SHC2: variants seen among roughly 807,000 people sequenced by gnomAD.
The protein encoded by SHC2 is SHC adaptor protein 2.
SHC2 carries 62 observed loss-of-function variants against 60.6 expected under a neutral mutation model. That is an observed-to-expected ratio of 1.02 (90% CI 0.83 to 1.26). The LOEUF (loss-of-function observed/expected upper bound fraction) is 1.26. SHC2 is among the 50% of genes most tolerant of loss of function. The probability of loss-of-function intolerance (pLI) is 0.00; values close to 1 mark genes in which losing one functional copy is unlikely to be tolerated. For synonymous variants in SHC2, 375 were observed against 372.4 expected (o/e 1.01, Z -0.08); for missense variants, 873 against 822.2 (o/e 1.06, Z -0.76).
chr19:421,930 T>C (rs535992240), intron 11 of SHC2, among the ~76,000 whole-genome samples: 21 of 152,284 alleles, frequency 1.4e-4, no homozygotes, highest in African/African-American at 4.6e-4. Context: ...TGGAAAATAC[T>C]TTGTAATTCT....
intron 1 of SHC2, among the ~76,000 whole-genome samples, chr19:452,531 T>A (rs973854895): frequency 3.4e-5 from 5 of 144,970 alleles, no homozygotes; most frequent in African/African-American, 1.0e-4. Flanking sequence ...CGTTTCTCCG[T>A]TTCATTGAGG....
chr19:457,281 C>T (rs77314562), intron 1 of SHC2, among the ~76,000 whole-genome samples: 14,487 of 137,588 alleles, frequency 0.11, 1,437 homozygotes, highest in African/African-American at 0.25. Context: ...AACCCCACCA[C>T]ATCAGGCCTT....
chr19:430,288 A>G (rs1009747688), intron 9 of SHC2, among the ~76,000 whole-genome samples: 1 of 151,562 alleles, frequency 6.6e-6, no homozygotes, highest in Non-Finnish European at 1.5e-5. Flanking sequence ...CTATACCCCA[A>G]CGTGCACAGA....
chr19:427,338 G>C (rs570369312), intron 9 of SHC2, among the ~76,000 whole-genome samples: 1 of 152,364 alleles, frequency 6.6e-6, no homozygotes, highest in African/African-American at 2.4e-5. Context: ...TGACCCGGCA[G>C]TTCCCGGCTC....
Position 416,751 on chromosome 19 carries a change from C to T in SHC2, c.*577G>A, listed in dbSNP as rs1034950421. 10 of 152,346 alleles carry T rather than the reference C, an allele frequency of 6.6e-5. No homozygotes were observed. Among genetic ancestry groups the T allele is most frequent in the Admixed American group, 3.3e-4 (5 of 15,310 alleles). The allele number at this position is 152,346 out of a possible 1,614,324, so 9.4% of individuals were successfully genotyped here. A position where few individuals can be genotyped will look rare whatever the true frequency, so the allele number is the denominator to read the frequency against. On this transcript the variant is annotated 3_prime_UTR_variant, in exon 13 of 13. Coordinates refer to ENST00000264554, the MANE Select transcript of SHC2 (RefSeq NM_012435.3). Reference sequence around the variant, plus strand: ...TGGAGTAGGGGCCTCACGACTGCCTCGATATCCACTGTCTTGGAGCAGCCT... The same window carrying T: ...TGGAGTAGGGGCCTCACGACTGCCTTGATATCCACTGTCTTGGAGCAGCCT...
At position 424,972 on chromosome 19, in the gene SHC2, C is replaced by G; in HGVS notation, c.1309+125G>C. ...CCACCCGTCGACTTGAAGGATCTCACGGGGAGAAGGGAGCCTCCCCCATCA... is the reference window on the plus strand; with the variant it reads ...CCACCCGTCGACTTGAAGGATCTCAGGGGGAGAAGGGAGCCTCCCCCATCA... On this transcript the variant is annotated intron_variant, in intron 10 of 12. Transcript: ENST00000264554. The surrounding 1 kb of genome is among the most constrained non-coding windows in gnomAD (Gnocchi z 4.5). 1 of 1,081,522 alleles carries G rather than the reference C, an allele frequency of 9.2e-7. No homozygotes were observed. The highest frequency in any genetic ancestry group is 1.2e-6 in the Non-Finnish European group (1 of 811,596). The allele number at this position is 1,081,522 out of a possible 1,614,324, so 67.0% of individuals were successfully genotyped here.
intron 1 of SHC2, among the ~76,000 whole-genome samples, chr19:443,702 A>G (rs1485431756): frequency 1.5e-5 from 2 of 136,700 alleles, no homozygotes; most frequent in South Asian, 5.3e-4. Context: ...GGGTGGATGA[A>G]TGGATGGATG....
chr19:431,982 G>A (rs1974609482), intron 8 of SHC2, among the ~76,000 whole-genome samples: 1 of 12,918 alleles, frequency 7.7e-5, no homozygotes, highest in East Asian at 5.6e-3. Flanking sequence ...TCGTGAGTGA[G>A]AGATAGAGGA....
chr19:437,165 T>C (rs116559111), intron 4 of SHC2, among the ~76,000 whole-genome samples: 2,559 of 152,310 alleles, frequency 0.017, 62 homozygotes, highest in African/African-American at 0.058. Context: ...CTTGTTTGCC[T>C]ACTGATCTGC....
Position 425,134 on chromosome 19 carries a change from C to A in SHC2, c.1272G>T (p.Glu424Asp). The change falls in exon 10 of 13, where the codon GAG becomes GAT. Residue 424 changes from glutamate to aspartate, a missense_variant. Transcript: ENST00000264554. The surrounding 1 kb of genome is among the most constrained non-coding windows in gnomAD (Gnocchi z 4.1). ...YVNTQGLDAPEPEDSPKKDLF... is the reference protein window; with the variant it reads ...YVNTQGLDAPDPEDSPKKDLF... ...GATCCTTTTTGGGGCTGTCCTCCGGCTCGGGGGCGTCCAGACCCTGGGTGT... is the reference window on the plus strand; with the variant it reads ...GATCCTTTTTGGGGCTGTCCTCCGGATCGGGGGCGTCCAGACCCTGGGTGT... 1 of 1,400,616 alleles carries A rather than the reference C, an allele frequency of 7.1e-7. No homozygotes were observed. The highest frequency in any genetic ancestry group is 1.8e-5 in the South Asian group (1 of 56,114). 86.8% of individuals were successfully genotyped at this position (1,400,616 alleles called of 1,614,324 possible). A position where few individuals can be genotyped will look rare whatever the true frequency, so the allele number is the denominator to read the frequency against.
chr19:418,326 C>A (rs1974198818), intron 12 of SHC2, among the ~76,000 whole-genome samples: 1 of 152,254 alleles, frequency 6.6e-6, no homozygotes, highest in South Asian at 2.1e-4. Context: ...ACGCCCACCA[C>A]AGCCGACCGC....
chr19:418,399 G>A (rs1029787056), intron 12 of SHC2, among the ~76,000 whole-genome samples: 3 of 152,258 alleles, frequency 2.0e-5, no homozygotes, highest in African/African-American at 4.8e-5. Context: ...GGGCAGTGAC[G>A]CGTGTCCACA....
intron 1 of SHC2, among the ~76,000 whole-genome samples, chr19:458,528 G>T (rs1313949807): frequency 1.4e-5 from 2 of 142,912 alleles, no homozygotes; most frequent in African/African-American, 5.2e-5. Flanking sequence ...GGGTCCTGGG[G>T]AGGCGGATTC....
Position 436,252 on chromosome 19 carries a change from C to T in SHC2, c.866G>A (p.Ser289Asn). The change falls in exon 7 of 13, where the codon AGC (serine) becomes AAC (asparagine). Residue 289 changes from serine (S) to asparagine (N), a missense_variant. Coordinates refer to ENST00000264554, the MANE Select transcript of SHC2 (RefSeq NM_012435.3). The stretch of plus-strand genomic sequence containing the variant: ...AGCTTGGCCCACGGTGCTGATGATG[C>T]TCTGTGCCAGGCCCTCACAGCACTC... ...ILECCEGLAQ[S>N]IISTVGQAFE... is the part of the protein sequence containing the mutation. 6.3e-7 allele frequency: 1 copy of T among 1,597,188 alleles called. No individual in the cohort carries two copies. The highest frequency in any genetic ancestry group is 8.5e-7 in the Non-Finnish European group (1 of 1,172,640).
chr19:457,934 G>T (rs1975394612), intron 1 of SHC2, among the ~76,000 whole-genome samples: 1 of 152,156 alleles, frequency 6.6e-6, no homozygotes, highest in Admixed American at 6.5e-5. Context: ...CACAGACCCG[G>T]GGGAGGCGGA....
chr19:452,451 G>T (rs1256367481), intron 1 of SHC2, among the ~76,000 whole-genome samples: 1 of 130,330 alleles, frequency 7.7e-6, no homozygotes, highest in African/African-American at 3.0e-5. Context: ...TCCTGCATAG[G>T]TGTGCGTTTC....
rs1003415611 is a variant in SHC2, at chr19:446,408, T to A, written c.469-5476A>T. ...TCACTGCAACTTCCGCCTCCCGGGTTCACACCATTCTCCTGTCTCAGCCTC... is the reference window on the plus strand; with the variant it reads ...TCACTGCAACTTCCGCCTCCCGGGTACACACCATTCTCCTGTCTCAGCCTC... On this transcript the variant is annotated intron_variant, in intron 1 of 12. Transcript: ENST00000264554. The surrounding 1 kb of genome is among the most constrained non-coding windows in gnomAD (Gnocchi z 5.4). 2.6e-5 allele frequency among the ~76,000 whole-genome samples: 4 copies of A among 152,216 alleles called. No individual in the cohort carries two copies. The highest frequency in any genetic ancestry group is 9.6e-5 in the African/African-American group (4 of 41,540).
In SHC2 at chr19:440,799, AGTG is replaced by A; in HGVS notation, c.539+60_539+62del. ...GGAGAGCCCATCGCTGCCGCCCTCC[AGTG>A]CTGCCGCCCTCCAGTGCGTCACTCA... On this transcript the variant is annotated intron_variant, in intron 2 of 12. Coordinates refer to ENST00000264554, the MANE Select transcript of SHC2 (RefSeq NM_012435.3). This position sits in a 1 kb window ranked among gnomAD's most constrained non-coding sequence, Gnocchi z 7.0. The A allele has an allele frequency of 7.0e-7, 1 of 1,427,484 alleles. No homozygotes were observed. The highest frequency in any genetic ancestry group is 1.6e-5 in the African/African-American group (1 of 62,930). 88.4% of individuals were successfully genotyped at this position (1,427,484 alleles called of 1,614,324 possible).
chr19:445,207 C>G lies in SHC2; in HGVS notation c.469-4275G>C, dbSNP rs1302017272. On this transcript the variant is annotated intron_variant, in intron 1 of 12. Coordinates refer to ENST00000264554, the MANE Select transcript of SHC2 (RefSeq NM_012435.3). The surrounding 1 kb of genome is among the most constrained non-coding windows in gnomAD (Gnocchi z 4.4). ...CCCCTCAAAATCCCTCTGTGGAAAC[C>G]TATGCCCCACTGTGAGGGTATTTAA... 5.3e-5 allele frequency among the ~76,000 whole-genome samples: 8 copies of G among 152,328 alleles called. No individual in the cohort carries two copies. In the East Asian group the frequency reaches 1.5e-3, roughly 29 times the overall value.
Sources: gnomAD v4.1 joint callset for allele counts (sites outside exome capture counted in the v4.1 genomes callset) on GRCh38, gnomAD v4.1.1 for gene constraint, Gnocchi (gnomAD v3.1) non-coding constraint, MANE v1.5 for transcripts, NCBI Gene and HGNC (gene_info 2026-07-23, HGNC 2026-07-21) for gene names.